LSAMP: variants seen among roughly 807,000 people sequenced by gnomAD.
The protein encoded by LSAMP is limbic system associated membrane protein, also known as limbic system-associated membrane protein.
A neutral mutation model predicts 38.6 loss-of-function variants in LSAMP; 7 were observed. That is an observed-to-expected ratio of 0.18 (90% confidence interval 0.10 to 0.34). The LOEUF (loss-of-function observed/expected upper bound fraction) is 0.34. Among genes scored for constraint, LSAMP ranks in the 10% least tolerant of loss-of-function variants. LSAMP has a pLI of 1.00. For synonymous variants in LSAMP, 154 were observed against 166.8 expected (o/e 0.92, Z 0.59); for missense variants, 313 against 420.0 (o/e 0.75, Z 2.23).
At chr3:116,395,647 A>T (rs1461296786) in intron 1 of LSAMP, among the ~76,000 whole-genome samples, 3 of 152,162 alleles carry the variant, frequency 2.0e-5, no homozygotes, top group African/African-American at 7.2e-5. Flanking sequence ...CTAGAGAAAG[A>T]CTCAGATTGT....
chr3:116,043,928 A>G (rs1941235060), intron 2 of LSAMP, among the ~76,000 whole-genome samples: 1 of 152,280 alleles, frequency 6.6e-6, no homozygotes, highest in South Asian at 2.1e-4. Flanking sequence ...CCTGGGCGAA[A>G]GAGCGAGACT....
At chr3:116,217,465 G>A (rs1053798162) in intron 1 of LSAMP, among the ~76,000 whole-genome samples, 5 of 152,262 alleles carry the variant, frequency 3.3e-5, no homozygotes, top group East Asian at 1.9e-4. Context: ...ACAAATGCAC[G>A]CATTCTTGCA....
Position 116,076,353 on chromosome 3 carries a change from G to T in LSAMP, c.388+9971C>A, listed in dbSNP as rs543503843. Reference sequence around the variant, plus strand: ...GCTCACTGCAACCTCCACCTCCCGGGTTCACACCATTCTCCTGCCTCAGCC... The same window carrying T: ...GCTCACTGCAACCTCCACCTCCCGGTTTCACACCATTCTCCTGCCTCAGCC... On this transcript the variant is annotated intron_variant, in intron 2 of 6. Transcript: ENST00000490035. Among the ~76,000 whole-genome samples the T allele has an allele frequency of 1.8e-4, 28 of 152,194 alleles. 1 individual carries two copies. The South Asian group carries it at 5.8e-3, about 32-fold the overall frequency.
chr3:115,983,291 G>A (rs1337472546), intron 3 of LSAMP, among the ~76,000 whole-genome samples: 1 of 152,042 alleles, frequency 6.6e-6, no homozygotes, highest in Non-Finnish European at 1.5e-5. Flanking sequence ...TGAGCAGGGA[G>A]GATTGCTCAA....
chr3:116,063,864 T>C (rs1269777650), intron 2 of LSAMP, among the ~76,000 whole-genome samples: 1 of 152,208 alleles, frequency 6.6e-6, no homozygotes, highest in African/African-American at 2.4e-5. Context: ...TCAAATCTAT[T>C]ATGTTGCGTC....
chr3:116,193,684 A>G (rs17359), intron 1 of LSAMP, among the ~76,000 whole-genome samples: 29,554 of 152,168 alleles, frequency 0.19, 2,931 homozygotes, highest in Admixed American at 0.24. Context: ...TATTAAAAAC[A>G]GAAGCTGGAG....
intron 1 of LSAMP, among the ~76,000 whole-genome samples, chr3:116,244,395 G>A (rs2046578057): frequency 6.6e-6 from 1 of 152,114 alleles, no homozygotes; most frequent in Middle Eastern, 3.2e-3. Context: ...AAGCCCATCA[G>A]GCAAACCCAT....
At chr3:116,286,476 G>T (rs1336275808) in intron 1 of LSAMP, among the ~76,000 whole-genome samples, 1 of 152,160 alleles carries the variant, frequency 6.6e-6, no homozygotes, top group African/African-American at 2.4e-5. Flanking sequence ...GAAAGGCACA[G>T]CTCTCATAGC....
intron 6 of LSAMP, chr3:115,816,690 CTT>C (rs1934034796): frequency 1.7e-6 from 2 of 1,166,544 alleles, no homozygotes; most frequent in Non-Finnish European, 1.1e-6. Context: ...AATAAAAAAT[CTT>C]TATCAATTAA....
At chr3:116,112,487 T>A (rs1344131) in intron 1 of LSAMP, among the ~76,000 whole-genome samples, 41,775 of 152,102 alleles carry the variant, frequency 0.27, 7,521 homozygotes, top group African/African-American at 0.52. Context: ...TATAAATTAG[T>A]ATCACTCACA....
intron 1 of LSAMP, among the ~76,000 whole-genome samples, chr3:116,094,635 G>A (rs1394437144): frequency 1.3e-5 from 2 of 152,186 alleles, no homozygotes; most frequent in African/African-American, 2.4e-5. Flanking sequence ...GAACACAGAG[G>A]TGGTAAACCC....
intron 1 of LSAMP, among the ~76,000 whole-genome samples, chr3:116,087,974 G>A (rs1708030631): frequency 6.7e-6 from 1 of 149,998 alleles, no homozygotes; most frequent in African/African-American, 2.5e-5. Flanking sequence ...GCTCACTGCA[G>A]CCTCAAACTA....
At chr3:115,961,512 C>T (rs1938624875) in intron 3 of LSAMP, among the ~76,000 whole-genome samples, 1 of 152,166 alleles carries the variant, frequency 6.6e-6, no homozygotes, top group Non-Finnish European at 1.5e-5. Flanking sequence ...CAGTGTATGT[C>T]ACCACTAGGG....
intron 1 of LSAMP, among the ~76,000 whole-genome samples, chr3:116,386,180 A>G (rs2048624186): frequency 6.6e-6 from 1 of 152,130 alleles, no homozygotes; most frequent in South Asian, 2.1e-4. Flanking sequence ...GTAACTGCCA[A>G]TAACACAATG....
intron 1 of LSAMP, among the ~76,000 whole-genome samples, chr3:116,402,356 G>A (rs1265271906): frequency 6.6e-6 from 1 of 152,164 alleles, no homozygotes; most frequent in Non-Finnish European, 1.5e-5. Context: ...TGAAACTGCT[G>A]AGGATAGGCC....
At chr3:116,220,662 T>C (rs2046273121) in intron 1 of LSAMP, among the ~76,000 whole-genome samples, 1 of 152,156 alleles carries the variant, frequency 6.6e-6, no homozygotes, top group Non-Finnish European at 1.5e-5. Context: ...TCGAGCATCA[T>C]ACATTTAAGA....
At chr3:115,905,862 A>G (rs1452753851) in intron 3 of LSAMP, among the ~76,000 whole-genome samples, 1 of 152,058 alleles carries the variant, frequency 6.6e-6, no homozygotes, top group East Asian at 1.9e-4. Context: ...ACATAAGGAT[A>G]TTTTTGTGAG....
At chr3:116,219,690 T>C (rs1451389489) in intron 1 of LSAMP, among the ~76,000 whole-genome samples, 1 of 152,044 alleles carries the variant, frequency 6.6e-6, no homozygotes, top group Non-Finnish European at 1.5e-5. Flanking sequence ...GACCTATGGA[T>C]TGGAAGAAAA....
chr3:116,177,874 C>T (rs531040985), intron 1 of LSAMP, among the ~76,000 whole-genome samples: 36 of 152,264 alleles, frequency 2.4e-4, no homozygotes, highest in Non-Finnish European at 4.4e-4. Flanking sequence ...TAAAAGCTCA[C>T]AGTCTAAATG....
Sources: allele counts gnomAD v4.1 joint callset (sites outside exome capture counted in the v4.1 genomes callset), GRCh38; gene constraint gnomAD v4.1.1; transcripts MANE v1.5; gene names NCBI Gene and HGNC (gene_info 2026-07-23, HGNC 2026-07-21).